The following ERC2 variants were observed in gnomAD, a reference collection of about 807,000 sequenced individuals.
The protein encoded by ERC2 is ELKS/RAB6-interacting/CAST family member 2.
In ERC2, 42 loss-of-function variants were observed where a neutral mutation model predicts 114.8. The ratio of observed to expected loss-of-function variants is 0.37; its 90% CI spans 0.29 to 0.47. The LOEUF is 0.47. ERC2 is among the 20% of genes least tolerant of loss of function. The probability of loss-of-function intolerance (pLI) is 0.99; values close to 1 mark genes in which losing one functional copy is unlikely to be tolerated. For missense variants in ERC2, 939 were observed against 1,150.7 expected (o/e 0.82, Z 2.66); for synonymous variants, 454 against 425.5 (o/e 1.07, Z -0.82).
intron 17 of ERC2, among the ~76,000 whole-genome samples, chr3:55,643,969 T>A (rs1267976526): frequency 2.0e-5 from 3 of 152,092 alleles, no homozygotes; most frequent in African/African-American, 7.2e-5. Context: ...ATGCTAGGGC[T>A]AGTTAAAATA....
chr3:55,747,765 A>G (rs1047279874), intron 14 of ERC2, among the ~76,000 whole-genome samples: 6 of 152,252 alleles, frequency 3.9e-5, no homozygotes, highest in Non-Finnish European at 8.8e-5. Context: ...AATGACCACA[A>G]ATTAATTTCA....
chr3:55,774,910 A>G (rs1190549943), intron 14 of ERC2, among the ~76,000 whole-genome samples: 5 of 152,230 alleles, frequency 3.3e-5, no homozygotes, highest in African/African-American at 1.2e-4. Context: ...CACAAGCCCA[A>G]TTTGGTTCTT....
intron 12 of ERC2, chr3:55,955,144 C>T: frequency 3.9e-6 from 2 of 516,494 alleles, no homozygotes; most frequent in South Asian, 2.8e-5. Context: ...AACGGAAACT[C>T]CTGGAAACTC....
chr3:55,787,137 T>TG (rs1287568708), intron 14 of ERC2, among the ~76,000 whole-genome samples: 1 of 152,076 alleles, frequency 6.6e-6, no homozygotes, highest in East Asian at 1.9e-4. Context: ...ATGTGTCGGC[T>TG]GGGGGGCGAT....
At chr3:55,874,866 G>C (rs1268857943) in intron 14 of ERC2, among the ~76,000 whole-genome samples, 1 of 152,172 alleles carries the variant, frequency 6.6e-6, no homozygotes, top group Non-Finnish European at 1.5e-5. Context: ...GCCATGAATG[G>C]GCACTGCTGA....
intron 17 of ERC2, among the ~76,000 whole-genome samples, chr3:55,562,920 G>A (rs2056122867): frequency 3.3e-5 from 5 of 152,112 alleles, no homozygotes; most frequent in African/African-American, 1.2e-4. Context: ...CATTCCAAAG[G>A]AATGTGGAAA....
chr3:56,309,224 T>C (rs143346053), intron 2 of ERC2, among the ~76,000 whole-genome samples: 172 of 152,288 alleles, frequency 1.1e-3, no homozygotes, highest in African/African-American at 3.8e-3. Context: ...AAATAAAGAA[T>C]ATGGATAGGT....
At chr3:55,549,578 T>C (rs2055007247) in intron 17 of ERC2, among the ~76,000 whole-genome samples, 1 of 150,546 alleles carries the variant, frequency 6.6e-6, no homozygotes, top group African/African-American at 2.4e-5. Context: ...TCTGCAAGGC[T>C]GTTATATCAG....
At chr3:55,569,659 A>G (rs1427978320) in intron 17 of ERC2, among the ~76,000 whole-genome samples, 2 of 152,212 alleles carry the variant, frequency 1.3e-5, no homozygotes, top group African/African-American at 2.4e-5. Context: ...CCTGTCACAC[A>G]CATTTTTTTA....
At chr3:56,460,884 G>T (rs921643160) in intron 1 of ERC2, among the ~76,000 whole-genome samples, 1 of 150,734 alleles carries the variant, frequency 6.6e-6, no homozygotes, top group African/African-American at 2.4e-5. Context: ...ACTTTGGGAG[G>T]CCGAGGCGGG....
rs540998708 is a variant in ERC2 at position 55,691,726 on chromosome 3, T to C, written c.2847+7652A>G. Among the ~76,000 whole-genome samples the C allele has an allele frequency of 1.9e-4, 29 of 151,784 alleles. 1 individual carries two copies. Among genetic ancestry groups the C allele is most frequent in the African/African-American group, 7.0e-4 (29 of 41,444 alleles). ...GGGGAACTAAAGATTCCTGGTTTTT[T>C]GTATGTTCCATAACTATACTTTAGT... On this transcript the variant is annotated intron_variant, in intron 16 of 17. Coordinates refer to ENST00000288221, the MANE Select transcript of ERC2 (RefSeq NM_015576.3).
chr3:55,993,276 G>C lies in ERC2; in HGVS notation c.2062-1026C>G, dbSNP rs1224163496. Among the ~76,000 whole-genome samples, 4 of 152,038 alleles carry C rather than the reference G, an allele frequency of 2.6e-5. No individual in the cohort carries two copies. The South Asian group carries it at 6.2e-4, about 24-fold the overall frequency. ...TACGTATGTATCTCCAAAATCCATG[G>C]GTGATATAATCAAATGTTAACAATT... On this transcript the variant is annotated intron_variant, in intron 10 of 17. Coordinates refer to ENST00000288221, the MANE Select transcript of ERC2 (RefSeq NM_015576.3).
chr3:55,947,148 C>T (rs2067174149), intron 13 of ERC2, among the ~76,000 whole-genome samples: 3 of 152,076 alleles, frequency 2.0e-5, no homozygotes, highest in Admixed American at 6.5e-5. Context: ...CTTGGATAAT[C>T]GGAGGTCCCA....
chr3:56,012,169 G>C (rs891523274), intron 8 of ERC2, among the ~76,000 whole-genome samples: 3 of 152,088 alleles, frequency 2.0e-5, no homozygotes, highest in Non-Finnish European at 2.9e-5. Flanking sequence ...CACAGTACAT[G>C]GTCAATCTCT....
intron 14 of ERC2, among the ~76,000 whole-genome samples, chr3:55,752,429 T>C (rs2066766828): frequency 6.6e-6 from 1 of 152,222 alleles, no homozygotes; most frequent in Admixed American, 6.5e-5. Context: ...TCACTACCAA[T>C]CAGGGATTTT....
At chr3:55,529,860 A>T (rs1426710787) in intron 17 of ERC2, among the ~76,000 whole-genome samples, 3 of 152,156 alleles carry the variant, frequency 2.0e-5, no homozygotes, top group Non-Finnish European at 4.4e-5. Context: ...TGATTCAAGT[A>T]CTCTGGCCTG....
At chr3:55,892,509 T>A (rs1187839701) in intron 13 of ERC2, among the ~76,000 whole-genome samples, 1 of 152,112 alleles carries the variant, frequency 6.6e-6, no homozygotes, top group Non-Finnish European at 1.5e-5. Context: ...GGTGACAGAG[T>A]GAGACCCTGT....
intron 14 of ERC2, among the ~76,000 whole-genome samples, chr3:55,791,036 G>A (rs1421638058): frequency 1.3e-5 from 2 of 152,202 alleles, no homozygotes; most frequent in African/African-American, 4.8e-5. Context: ...GTCATCATGA[G>A]ACTCAAGGAG....
intron 14 of ERC2, among the ~76,000 whole-genome samples, chr3:55,815,230 G>A (rs1397450633): frequency 6.6e-6 from 1 of 152,008 alleles, no homozygotes; most frequent in East Asian, 1.9e-4. Context: ...CTCTTAGTGG[G>A]GTGTCATAGG....
Sources: gnomAD v4.1 joint callset for allele counts (sites outside exome capture counted in the v4.1 genomes callset) on GRCh38, gnomAD v4.1.1 for gene constraint, MANE v1.5 for transcripts, NCBI Gene and HGNC (gene_info 2026-07-23, HGNC 2026-07-21) for gene names.